MPRIP: variants seen among roughly 807,000 people sequenced by gnomAD.
The protein encoded by MPRIP is myosin phosphatase Rho-interacting protein.
A neutral mutation model predicts 234.9 loss-of-function variants in MPRIP; 59 were observed. The ratio of observed to expected loss-of-function variants is 0.25; its 90% confidence interval spans 0.20 to 0.31. MPRIP has a LOEUF of 0.31. Ranked by LOEUF, MPRIP falls within the 10% of genes least tolerant of loss-of-function variation. The probability of loss-of-function intolerance (pLI) is 1.00; values close to 1 mark genes in which losing one functional copy is unlikely to be tolerated. For synonymous variants in MPRIP, 1,144 were observed against 1,263.9 expected (o/e 0.91, Z 2.01); for missense variants, 2,436 against 3,071.0 (o/e 0.79, Z 4.89).
intron 9 of MPRIP, among the ~76,000 whole-genome samples, chr17:17,144,133 G>A (rs1411065361): frequency 6.6e-6 from 1 of 152,156 alleles, no homozygotes; most frequent in Non-Finnish European, 1.5e-5. Context: ...CAACAGAGGT[G>A]CGGAAGGAGT....
intron 13 of MPRIP, among the ~76,000 whole-genome samples, chr17:17,157,973 A>G (rs555954089): frequency 5.8e-4 from 89 of 152,306 alleles, no homozygotes; most frequent in African/African-American, 2.0e-3. Context: ...CCTGGCAGGT[A>G]CGGTGGCTGT....
chr17:17,165,661 C>A lies in MPRIP; in HGVS notation c.4070C>A (p.Ser1357Ter), dbSNP rs931696326. ...GACACCAGCCAGGACCGGTCACCCT[C>A]GGAAGAAAGCATGTCCTCAGAGCCT... is the stretch of plus-strand genomic sequence containing the variant. Reference protein sequence around the residue: ...SSDTSQDRSPSEESMSSEPAP... With the variant: ...SSDTSQDRSP The change falls in exon 16 of 24, where the codon TCG (serine) becomes TAG (stop). Residue 1357 changes from serine to a stop codon, truncating the protein, a stop_gained. Transcript: ENST00000651222. LOFTEE classifies it high-confidence loss of function. 1 of 1,305,110 alleles carries A rather than the reference C, an allele frequency of 7.7e-7. No homozygotes were observed. The highest frequency in any genetic ancestry group is 1.0e-6 in the Non-Finnish European group (1 of 989,056). 80.8% of individuals were successfully genotyped at this position (1,305,110 alleles called of 1,614,324 possible). A position where few individuals can be genotyped will look rare whatever the true frequency, so the allele number is the denominator to read the frequency against.
chr17:17,063,663 C>T (rs1248479915), intron 1 of MPRIP, among the ~76,000 whole-genome samples: 2 of 152,166 alleles, frequency 1.3e-5, no homozygotes, highest in African/African-American at 4.8e-5. Flanking sequence ...AGTCTAAGGA[C>T]AGGTGAGTCC....
At position 17,166,905 on chromosome 17, in the gene MPRIP, C is replaced by G. The variant is rs1244226114; in HGVS notation, c.5314C>G (p.Pro1772Ala). The G allele has an allele frequency of 1.5e-6, 2 of 1,304,048 alleles. No individual in the cohort carries two copies. Among genetic ancestry groups the G allele is most frequent in the African/African-American group, 1.5e-5 (1 of 65,846 alleles). The allele number at this position is 1,304,048 out of a possible 1,614,324, so 80.8% of individuals were successfully genotyped here. Residue 1772 changes from proline to alanine, a missense_variant, in exon 16 of 24, where the codon CCT (proline) becomes GCT (alanine). Physicochemically the swap from Pro to Ala is conservative, Grantham distance 27. This residue lies in a region of MPRIP where 1,998 missense variants were observed against 2,520.3 expected (regional missense o/e 0.79). Transcript: ENST00000651222. This position sits in a 1 kb window ranked among gnomAD's most constrained non-coding sequence, Gnocchi z 4.4. ...QEPFDVSDQS[P>A]GAFVAIQEEL... Reference sequence around the variant, plus strand: ...GCCCTTCGATGTGTCTGACCAGAGCCCTGGGGCCTTTGTTGCTATTCAGGA... The same window carrying G: ...GCCCTTCGATGTGTCTGACCAGAGCGCTGGGGCCTTTGTTGCTATTCAGGA...
rs1170710591 is a variant in MPRIP, at chr17:17,192,518, T to TTTGTCAGAATATTTATTCC, written c.*7627_*7645dup. The TTTGTCAGAATATTTATTCC allele has an allele frequency of 1.3e-5, 2 of 151,324 alleles. No homozygotes were observed. Among genetic ancestry groups the TTTGTCAGAATATTTATTCC allele is most frequent in the African/African-American group, 4.9e-5 (2 of 41,206 alleles). The allele number at this position is 151,324 out of a possible 1,614,324, so 9.4% of individuals were successfully genotyped here. The stretch of plus-strand genomic sequence containing the variant: ...CGATTCACTACAATTGAAGTGTTAC[T>TTTGTCAGAATATTTATTCC]TTGTCAGAATATTTATTCCTTTGTG... On this transcript the variant is annotated 3_prime_UTR_variant, in exon 24 of 24. Transcript: ENST00000651222.
chr17:17,061,886 A>G (rs1436970191), intron 1 of MPRIP, among the ~76,000 whole-genome samples: 3 of 152,120 alleles, frequency 2.0e-5, no homozygotes, highest in Non-Finnish European at 2.9e-5. Flanking sequence ...TTTGAGTACC[A>G]GTACAAGTGT....
chr17:17,084,508 G>A (rs543822371), intron 3 of MPRIP, among the ~76,000 whole-genome samples: 45 of 152,372 alleles, frequency 3.0e-4, no homozygotes, highest in African/African-American at 1.0e-3. Flanking sequence ...CTGAGGCCCA[G>A]AGAGATTGCG....
intron 3 of MPRIP, among the ~76,000 whole-genome samples, chr17:17,114,070 A>G (rs1239971391): frequency 1.3e-5 from 2 of 151,138 alleles, no homozygotes; most frequent in Non-Finnish European, 1.5e-5. Flanking sequence ...TTTAATTTTT[A>G]TTTTTAGAGA....
At chr17:17,176,826 C>A (rs1300163791) in intron 21 of MPRIP, among the ~76,000 whole-genome samples, 2 of 152,222 alleles carry the variant, frequency 1.3e-5, no homozygotes, top group Admixed American at 6.5e-5. Flanking sequence ...TGAGCCGCCC[C>A]CTGGCTTCCA....
Position 17,164,292 on chromosome 17 carries a change from A to G in MPRIP, c.2701A>G (p.Ser901Gly), listed in dbSNP as rs2045933762. The change falls in exon 16 of 24, where the codon AGC becomes GGC. Residue 901 changes from serine to glycine, a missense_variant. By Grantham distance (56) the Ser-to-Gly change is moderately conservative. Coordinates refer to ENST00000651222, the MANE Select transcript of MPRIP (RefSeq NM_001364716.4). ...CCGGCACCACGAGGCTGAGATCCGG[A>G]GCCTTCAGGCACGGCTCAGCAATGC... ...TIRHHEAEIR[S>G]LQARLSNAAA... 9 of 1,304,078 alleles carry G rather than the reference A, an allele frequency of 6.9e-6. No individual in the cohort carries two copies. Among genetic ancestry groups the G allele is most frequent in the Admixed American group, 2.3e-5 (1 of 43,558 alleles). 80.8% of individuals were successfully genotyped at this position (1,304,078 alleles called of 1,614,324 possible). A position where few individuals can be genotyped will look rare whatever the true frequency, so the allele number is the denominator to read the frequency against.
intron 1 of MPRIP, 87 bp downstream of exon 1, chr17:17,043,058 A>G (rs1312325488): frequency 4.5e-6 from 6 of 1,331,970 alleles, no homozygotes; most frequent in Non-Finnish European, 6.3e-6. Context: ...CAGGGAAAAT[A>G]AAAATGGAGC....
At chr17:17,047,568 A>G (rs1440426175) in intron 1 of MPRIP, among the ~76,000 whole-genome samples, 1 of 152,198 alleles carries the variant, frequency 6.6e-6, no homozygotes, top group African/African-American at 2.4e-5. Flanking sequence ...AGGCTATTAA[A>G]CTGGGTAAAT....
chr17:17,173,784 C>A, intron 18 of MPRIP, 132 bp from the exon 19 acceptor site: 2 of 1,050,760 alleles, frequency 1.9e-6, no homozygotes, highest in Non-Finnish European at 2.9e-6. Flanking sequence ...CTGTATGACC[C>A]AGGCTGATTA....
At chr17:17,081,395 C>T (rs78113291) in intron 3 of MPRIP, among the ~76,000 whole-genome samples, 1 of 152,324 alleles carries the variant, frequency 6.6e-6, no homozygotes, top group African/African-American at 2.4e-5. Flanking sequence ...TTTCTGCTCC[C>T]AGCTTGAAAA....
intron 23 of MPRIP, chr17:17,182,449 G>C (rs1289348585): frequency 6.6e-6 from 1 of 151,924 alleles, no homozygotes; most frequent in African/African-American, 2.4e-5. Context: ...TCAGTATGTG[G>C]GGCTACAGGA....
chr17:17,124,112 G>T (rs1227608081), intron 3 of MPRIP, among the ~76,000 whole-genome samples: 1 of 152,210 alleles, frequency 6.6e-6, no homozygotes, highest in Admixed American at 6.5e-5. Flanking sequence ...CTGAGGCCCA[G>T]AGAGGTGGAG....
intron 1 of MPRIP, among the ~76,000 whole-genome samples, chr17:17,073,392 T>C (rs1412305736): frequency 3.3e-5 from 5 of 152,164 alleles, no homozygotes; most frequent in Admixed American, 6.5e-5. Context: ...GATGCCTGGG[T>C]TGAGACCAGG....
At position 17,118,677 on chromosome 17, in the gene MPRIP, AGTCCCTAGGCGTGGTTG is replaced by A. The variant is rs563296210; in HGVS notation, c.268-8023_268-8007del. Among the ~76,000 whole-genome samples the A allele has an allele frequency of 1.9e-3, 291 of 152,338 alleles. 4 individuals carry two copies. Among genetic ancestry groups the A allele is most frequent in the African/African-American group, 6.3e-3 (264 of 41,576 alleles). ...GTGGGTACCTGCTAGGCCCATTGTC[AGTCCCTAGGCGTGGTTG>A]GCCTAACACTTCTCTGAGTTGTGGC... On this transcript the variant is annotated intron_variant, in intron 3 of 23. Transcript: ENST00000651222.
intron 18 of MPRIP, 67 bp from the exon 19 acceptor site, chr17:17,173,849 G>A: frequency 6.3e-7 from 1 of 1,578,884 alleles, no homozygotes; most frequent in Non-Finnish European, 8.7e-7. Flanking sequence ...GTGTCAAGGA[G>A]GGACACCGGC....
Sources: gnomAD v4.1 joint callset for allele counts (sites outside exome capture counted in the v4.1 genomes callset) on GRCh38, gnomAD v4.1.1 for gene constraint, gnomAD v4.1.1 regional missense constraint, Gnocchi (gnomAD v3.1) non-coding constraint, MANE v1.5 for transcripts, NCBI Gene and HGNC (gene_info 2026-07-23, HGNC 2026-07-21) for gene names.